Variants in STAT3 observed in about 807,000 individuals in gnomAD.
STAT3 encodes DNA-binding protein APRF.
Under a neutral mutation model 114.3 loss-of-function variants are expected in STAT3, and 7 were observed. The observed-to-expected ratio is 0.06, with a 90% CI of 0.03 to 0.11. The LOEUF is 0.11. Ranked by LOEUF, STAT3 falls within the 10% of genes least tolerant of loss-of-function variation. The pLI, the probability that STAT3 is intolerant of heterozygous loss-of-function variation, is 1.00. For synonymous variants in STAT3, 331 were observed against 354.5 expected (o/e 0.93, Z 0.74); for missense variants, 364 against 960.9 (o/e 0.38, Z 8.21).
chr17:42,333,803 T>C lies in STAT3; in HGVS notation c.957-38A>G, dbSNP rs753028891. The C allele has an allele frequency of 4.3e-6, 7 of 1,614,152 alleles. No individual in the cohort carries two copies. The South Asian group carries it at 6.6e-5, about 15-fold the overall frequency. On this transcript the variant is annotated intron_variant, in intron 9 of 23. Coordinates refer to ENST00000264657, the MANE Select transcript of STAT3 (RefSeq NM_139276.3). The surrounding 1 kb of genome is among the most constrained non-coding windows in gnomAD (Gnocchi z 5.2). ...AAGATGGGCTCACGCGCCACGGCCA[T>C]GACCAGAAGTCAGCCCGCCTCTCAC...
At position 42,331,464 on chromosome 17, in the gene STAT3, G is replaced by A. The variant is rs780559999; in HGVS notation, c.1109+8C>T. 3.1e-6 allele frequency: 5 copies of A among 1,610,492 alleles called. No homozygotes were observed. In the South Asian group the frequency reaches 4.4e-5, roughly 14 times the overall value. On this transcript the variant is annotated splice_region_variant and intron_variant, in intron 11 of 23. Coordinates refer to ENST00000264657, the MANE Select transcript of STAT3 (RefSeq NM_139276.3). ...TTTGAAAAACAGAGCTAAGATAGGA[G>A]TACTTACTTGTCAATGCACACTTTA... is the stretch of plus-strand genomic sequence containing the variant.
At chr17:42,334,955 T>C (rs1055655797) in intron 8 of STAT3, among the ~76,000 whole-genome samples, 12 of 152,178 alleles carry the variant, frequency 7.9e-5, no homozygotes, top group Admixed American at 7.2e-4. Flanking sequence ...AACTTGTCTA[T>C]GAACATAAAG....
At chr17:42,321,590 A>G (rs1413153400) in intron 21 of STAT3, among the ~76,000 whole-genome samples, 1 of 152,134 alleles carries the variant, frequency 6.6e-6, no homozygotes, top group Non-Finnish European at 1.5e-5. Flanking sequence ...AGTGTAAACC[A>G]TACTCCCATG....
At chr17:42,330,564 G>T (rs1162649222) in intron 11 of STAT3, among the ~76,000 whole-genome samples, 1 of 151,736 alleles carries the variant, frequency 6.6e-6, no homozygotes, top group Non-Finnish European at 1.5e-5. Context: ...GAGTAGCTGG[G>T]ACTACAGGTG....
chr17:42,313,550 G>GGGGCAGTGGACAGGAAGC lies in STAT3; in HGVS notation c.*2177_*2194dup. On this transcript the variant is annotated 3_prime_UTR_variant, in exon 24 of 24. Transcript: ENST00000264657. ...CCTCGGCTGGGCTGGGGATGGGGAGGGGGCAGTGGACAGGAAGCGGGCAGG... is the reference window on the plus strand; with the variant it reads ...CCTCGGCTGGGCTGGGGATGGGGAGGGGGCAGTGGACAGGAAGCGGGCAGTGGACAGGAAGCGGGCAGG... 4.3e-6 allele frequency: 1 copy of GGGGCAGTGGACAGGAAGC among 231,480 alleles called. No homozygotes were observed. The highest frequency in any genetic ancestry group is 2.2e-5 in the African/African-American group (1 of 45,262). 14.3% of individuals were successfully genotyped at this position (231,480 alleles called of 1,614,324 possible).
rs2082281551 is a variant in STAT3 at position 42,337,645 on chromosome 17, T to C, written c.646-59A>G. On this transcript the variant is annotated intron_variant, in intron 7 of 23. Transcript: ENST00000264657. This position sits in a 1 kb window ranked among gnomAD's most constrained non-coding sequence, Gnocchi z 4.0. ...TTCCTCAGACTGTCTCTAACCACATTCTTTAGTCAACTCCAGAGCAGGAAC... is the reference window on the plus strand; with the variant it reads ...TTCCTCAGACTGTCTCTAACCACATCCTTTAGTCAACTCCAGAGCAGGAAC... The C allele has an allele frequency of 1.2e-6, 2 of 1,613,956 alleles. No homozygotes were observed.
chr17:42,325,004 C>A lies in STAT3; in HGVS notation c.1423G>T (p.Ala475Ser). Residue 475 changes from alanine to serine, a missense_variant, in exon 16 of 24, where the codon GCG becomes TCG. By Grantham distance (99) the Ala-to-Ser change is moderately conservative (BLOSUM62 1). This residue lies in a region of STAT3 where 294 missense variants were observed against 745.1 expected (regional missense o/e 0.39). Coordinates refer to ENST00000264657, the MANE Select transcript of STAT3 (RefSeq NM_139276.3). ...AGCATGTTGTACCACAGGATGGACGCCCAGGCATTTGGCATCTGACAGATG... is the reference window on the plus strand; with the variant it reads ...AGCATGTTGTACCACAGGATGGACGACCAGGCATTTGGCATCTGACAGATG... ...SNICQMPNAWASILWYNMLTN... is the reference protein window; with the variant it reads ...SNICQMPNAWSSILWYNMLTN... The A allele has an allele frequency of 6.2e-7, 1 of 1,614,074 alleles. No homozygotes were observed. The highest frequency in any genetic ancestry group is 8.5e-7 in the Non-Finnish European group (1 of 1,180,010).
At chr17:42,371,161 T>G (rs2084103856) in intron 1 of STAT3, among the ~76,000 whole-genome samples, 1 of 152,046 alleles carries the variant, frequency 6.6e-6, no homozygotes, top group Non-Finnish European at 1.5e-5. Context: ...GGTCTACCAT[T>G]TATTTAGATG....
In STAT3 at chr17:42,333,586, A is replaced by G; in HGVS notation, c.1049+87T>C. 1.4e-6 allele frequency: 2 copies of G among 1,473,122 alleles called. No individual in the cohort carries two copies. The highest frequency in any genetic ancestry group is 1.4e-5 in the African/African-American group (1 of 72,166). 91.3% of individuals were successfully genotyped at this position (1,473,122 alleles called of 1,614,324 possible). A position where few individuals can be genotyped will look rare whatever the true frequency, so the allele number is the denominator to read the frequency against. ...ACTGCCTGTGACACCACACCTGGAA[A>G]GAATGACCCTGGCCACCAACTCTAC... On this transcript the variant is annotated intron_variant, in intron 10 of 23. Transcript: ENST00000264657. This position sits in a 1 kb window ranked among gnomAD's most constrained non-coding sequence, Gnocchi z 5.2.
intron 1 of STAT3, among the ~76,000 whole-genome samples, chr17:42,382,648 T>G (rs903782396): frequency 6.7e-6 from 1 of 150,342 alleles, no homozygotes; most frequent in Non-Finnish European, 1.5e-5. Flanking sequence ...TAATCCTTTT[T>G]TTTTTCTTTT....
rs769228554 is a variant in STAT3 at position 42,324,922 on chromosome 17, A to G, written c.1464+41T>C. The stretch of plus-strand genomic sequence containing the variant: ...TCTATACTAGGTACCCCTAAGTCGC[A>G]AGAGATCCCGGGGCACCAACTAAAA... On this transcript the variant is annotated intron_variant, in intron 16 of 23. Transcript: ENST00000264657. The surrounding 1 kb of genome is among the most constrained non-coding windows in gnomAD (Gnocchi z 4.5). The G allele has an allele frequency of 1.2e-6, 2 of 1,614,136 alleles. No individual in the cohort carries two copies. Among genetic ancestry groups the G allele is most frequent in the Non-Finnish European group, 8.5e-7 (1 of 1,179,996 alleles).
rs1271175166 is a variant in STAT3 at position 42,314,847 on chromosome 17, G to GTTTTTTTTT, written c.*897_*898insAAAAAAAAA. ...AGCACCAAGGAGGCTGTTAACTGAA[G>GTTTTTTTTT]TTTCTTTTTTTTTTTTTTTTTTTTG... On this transcript the variant is annotated 3_prime_UTR_variant, in exon 24 of 24. Coordinates refer to ENST00000264657, the MANE Select transcript of STAT3 (RefSeq NM_139276.3). 1.8e-5 allele frequency: 3 copies of GTTTTTTTTT among 165,010 alleles called. No homozygotes were observed. Among genetic ancestry groups the GTTTTTTTTT allele is most frequent in the African/African-American group, 8.1e-5 (3 of 36,832 alleles). The allele number at this position is 165,010 out of a possible 1,614,324, so 10.2% of individuals were successfully genotyped here.
Position 42,346,563 on chromosome 17 carries a change from T to C in STAT3, c.273+6A>G. ...GTTTCTCCTTGTCCTCAGTTTCTCA[T>C]CATACCTGAAGAAACTGCTTGATTC... On this transcript the variant is annotated splice_donor_region_variant and intron_variant, in intron 3 of 23. Transcript: ENST00000264657. The C allele has an allele frequency of 6.2e-7, 1 of 1,614,108 alleles. No individual in the cohort carries two copies. Among genetic ancestry groups the C allele is most frequent in the Non-Finnish European group, 8.5e-7 (1 of 1,180,018 alleles).
chr17:42,386,984 G>A (rs1379471204), intron 1 of STAT3: 2 of 152,056 alleles, frequency 1.3e-5, no homozygotes, highest in Non-Finnish European at 2.9e-5. Context: ...TAGAAAACTG[G>A]CTGAACCAAG....
At chr17:42,380,360 A>C (rs1296370942) in intron 1 of STAT3, among the ~76,000 whole-genome samples, 1 of 147,932 alleles carries the variant, frequency 6.8e-6, no homozygotes, top group Non-Finnish European at 1.5e-5. Flanking sequence ...CCTATGTATA[A>C]GCGTTACCAC....
intron 1 of STAT3, 70 bp from the exon 2 acceptor site, chr17:42,348,609 G>A (rs545369604): frequency 6.4e-7 from 1 of 1,572,718 alleles, no homozygotes; most frequent in Non-Finnish European, 8.7e-7. Context: ...AGTAGCCATT[G>A]CCCAACACAG....
At position 42,337,540 on chromosome 17, in the gene STAT3, A is replaced by G; in HGVS notation, c.692T>C (p.Val231Ala). ...CTCCTCGTCCGTGAGAGTTTTCTGC[A>G]CGTACTCCATCGCTGACAAAAGCCC... ...LAGLLSAMEYVQKTLTDEELA... is the reference protein window; with the variant it reads ...LAGLLSAMEYAQKTLTDEELA... The change falls in exon 8 of 24, where the codon GTG becomes GCG. Residue 231 changes from valine to alanine, a missense_variant. Physicochemically the swap from Val to Ala is moderately conservative, Grantham distance 64. Around this residue, in one of 5 missense-constraint regions of STAT3, gnomAD observed 294 missense variants for 745.1 expected, o/e 0.39. Coordinates refer to ENST00000264657, the MANE Select transcript of STAT3 (RefSeq NM_139276.3). This position sits in a 1 kb window ranked among gnomAD's most constrained non-coding sequence, Gnocchi z 4.0. The G allele has an allele frequency of 6.2e-7, 1 of 1,614,208 alleles. No homozygotes were observed. Among genetic ancestry groups the G allele is most frequent in the African/African-American group, 1.3e-5 (1 of 75,054 alleles).
chr17:42,314,851 C>CTT lies in STAT3; in HGVS notation c.*892_*893dup, dbSNP rs754306251. On this transcript the variant is annotated 3_prime_UTR_variant, in exon 24 of 24. Coordinates refer to ENST00000264657, the MANE Select transcript of STAT3 (RefSeq NM_139276.3). ...CCAAGGAGGCTGTTAACTGAAGTTT[C>CTT]TTTTTTTTTTTTTTTTTTTTGAGAC... is the stretch of plus-strand genomic sequence containing the variant. The CTT allele has an allele frequency of 2.0e-3, 285 of 140,272 alleles. No homozygotes were observed. The highest frequency in any genetic ancestry group is 3.9e-3 in the East Asian group (33 of 8,536). 8.7% of individuals were successfully genotyped at this position (140,272 alleles called of 1,614,324 possible).
rs755554248 is a variant in STAT3, at chr17:42,334,043, C to T, written c.804G>A (p.Thr268=). The T allele has an allele frequency of 2.7e-5, 44 of 1,613,920 alleles. No homozygotes were observed. The highest frequency in any genetic ancestry group is 6.7e-5 in the African/African-American group (5 of 74,874). Residue 268 remains threonine (T), a synonymous_variant, in exon 9 of 24, where the codon ACG becomes ACA. Coordinates refer to ENST00000264657, the MANE Select transcript of STAT3 (RefSeq NM_139276.3). ...ICLDRLENWI[T]SLAESQLQTR... is the part of the protein sequence containing the mutation. ...TCTGAAGTTGAGATTCTGCTAATGACGTTATCCTGCCAATAAATTAAGAAA... is the reference window on the plus strand; with the variant it reads ...TCTGAAGTTGAGATTCTGCTAATGATGTTATCCTGCCAATAAATTAAGAAA...
Sources: gnomAD v4.1 joint callset for allele counts (sites outside exome capture counted in the v4.1 genomes callset) on GRCh38, gnomAD v4.1.1 for gene constraint, gnomAD v4.1.1 regional missense constraint, Gnocchi (gnomAD v3.1) non-coding constraint, MANE v1.5 for transcripts, NCBI Gene and HGNC (gene_info 2026-07-23, HGNC 2026-07-21) for gene names.